The following SNX24 variants were observed in gnomAD, a reference collection of about 807,000 sequenced individuals.
The protein encoded by SNX24 is sorting nexin-24.
Under a neutral mutation model 28.7 loss-of-function variants are expected in SNX24, and 22 were observed. The ratio of observed to expected loss-of-function variants is 0.77; its 90% confidence interval spans 0.55 to 1.10. SNX24 has a LOEUF of 1.10. SNX24 is among the 50% of genes least tolerant of loss of function. The probability of loss-of-function intolerance (pLI) is 0.00; values close to 1 mark genes in which losing one functional copy is unlikely to be tolerated. For synonymous variants in SNX24, 69 were observed against 71.5 expected (o/e 0.96, Z 0.18); for missense variants, 221 against 201.1 (o/e 1.10, Z -0.60).
At chr5:122,875,830 C>T (rs1756198295) in intron 1 of SNX24, among the ~76,000 whole-genome samples, 1 of 152,194 alleles carries the variant, frequency 6.6e-6, no homozygotes, top group Non-Finnish European at 1.5e-5. Flanking sequence ...GCTCTTAGCG[C>T]CCAGGCTGGA....
Position 122,963,009 on chromosome 5 carries a change from G to C in SNX24, c.249+16850G>C, listed in dbSNP as rs913640437. ...AGCACCTTGGGAGGCCAAGGTGGGC[G>C]GATCACTTGAAGTCAGGAGTTTGAG... On this transcript the variant is annotated intron_variant, in intron 3 of 6. Transcript: ENST00000261369. 3.3e-5 allele frequency among the ~76,000 whole-genome samples: 5 copies of C among 152,054 alleles called. No individual in the cohort carries two copies. In the South Asian group the frequency reaches 1.0e-3, roughly 32 times the overall value.
At chr5:122,853,710 A>G in intron 1 of SNX24, 1 of 408,438 alleles carries the variant, frequency 2.4e-6, no homozygotes, top group Non-Finnish European at 5.0e-6. Context: ...CAGGCCCTGA[A>G]CTCCTGGTCT....
chr5:122,923,411 C>G (rs903818065), intron 1 of SNX24, among the ~76,000 whole-genome samples: 2 of 151,782 alleles, frequency 1.3e-5, no homozygotes, highest in Admixed American at 6.6e-5. Flanking sequence ...GCTGAGTATT[C>G]TGTGATCTTT....
At chr5:122,877,709 G>A (rs757097765) in intron 1 of SNX24, among the ~76,000 whole-genome samples, 32 of 152,084 alleles carry the variant, frequency 2.1e-4, no homozygotes, top group Non-Finnish European at 2.9e-4. Context: ...TCCCCTACCC[G>A]AAGTTGGTTA....
At chr5:122,999,355 A>G (rs564275252) in intron 3 of SNX24, among the ~76,000 whole-genome samples, 1 of 152,250 alleles carries the variant, frequency 6.6e-6, no homozygotes, top group Non-Finnish European at 1.5e-5. Flanking sequence ...AGTTGATTCT[A>G]ATGCCAAAAC....
chr5:122,962,782 T>C lies in SNX24; in HGVS notation c.249+16623T>C, dbSNP rs113823858. Among the ~76,000 whole-genome samples the C allele has an allele frequency of 3.8e-3, 584 of 152,340 alleles. 2 individuals carry two copies. Among genetic ancestry groups the C allele is most frequent in the African/African-American group, 0.013 (548 of 41,578 alleles). ...GTGGCCCCAGAGCTTTGATTGGGCT[T>C]AAAACATAAAACTTTGGGAGTTTTA... is the stretch of plus-strand genomic sequence containing the variant. On this transcript the variant is annotated intron_variant, in intron 3 of 6. Coordinates refer to ENST00000261369, the MANE Select transcript of SNX24 (RefSeq NM_014035.4).
intron 1 of SNX24, among the ~76,000 whole-genome samples, chr5:122,895,210 A>G (rs952852860): frequency 6.6e-6 from 1 of 152,090 alleles, no homozygotes; most frequent in Non-Finnish European, 1.5e-5. Context: ...TTGTATTAAT[A>G]ATAGAAAAGT....
At chr5:122,906,299 G>A (rs1419928063) in intron 1 of SNX24, among the ~76,000 whole-genome samples, 1 of 152,176 alleles carries the variant, frequency 6.6e-6, no homozygotes, top group East Asian at 1.9e-4. Flanking sequence ...CCTCCTGTCT[G>A]TCATTGTACA....
chr5:122,921,069 A>G (rs977765640), intron 1 of SNX24, among the ~76,000 whole-genome samples: 5 of 152,068 alleles, frequency 3.3e-5, no homozygotes, highest in African/African-American at 1.2e-4. Flanking sequence ...TAAAGAATAT[A>G]TATATATACA....
intron 1 of SNX24, among the ~76,000 whole-genome samples, chr5:122,913,563 G>T (rs1342215568): frequency 6.6e-6 from 1 of 152,028 alleles, no homozygotes; most frequent in African/African-American, 2.4e-5. Context: ...CTGCTGGGCG[G>T]AGGGGCTCCT....
Position 122,861,496 on chromosome 5 carries a change from C to T in SNX24, c.60+15803C>T, listed in dbSNP as rs191016740. On this transcript the variant is annotated intron_variant, in intron 1 of 6. Transcript: ENST00000261369. ...TGGTAAGCAGTGAATTTCATGAGTACGGGACCATTGCCTCACTTCATTTGC... is the reference window on the plus strand; with the variant it reads ...TGGTAAGCAGTGAATTTCATGAGTATGGGACCATTGCCTCACTTCATTTGC... Among the ~76,000 whole-genome samples the T allele has an allele frequency of 2.6e-4, 40 of 152,196 alleles. No individual in the cohort carries two copies. In the East Asian group the frequency reaches 7.3e-3, roughly 28 times the overall value.
intron 3 of SNX24, among the ~76,000 whole-genome samples, chr5:122,987,258 T>C (rs1468714987): frequency 6.6e-6 from 1 of 152,132 alleles, no homozygotes; most frequent in African/African-American, 2.4e-5. Flanking sequence ...CGAGTGTGGT[T>C]CCTGGATCAG....
chr5:122,872,465 G>GT (rs1297208168), intron 1 of SNX24, among the ~76,000 whole-genome samples: 1 of 152,062 alleles, frequency 6.6e-6, no homozygotes, highest in Non-Finnish European at 1.5e-5. Flanking sequence ...TCCTGAATTT[G>GT]TAAGTACGGC....
At chr5:122,893,383 C>A (rs1757063958) in intron 1 of SNX24, among the ~76,000 whole-genome samples, 1 of 151,922 alleles carries the variant, frequency 6.6e-6, no homozygotes, top group African/African-American at 2.4e-5. Context: ...GGACTCCTGC[C>A]TCCTTTTATT....
chr5:122,936,913 T>C (rs1051499927), intron 2 of SNX24, 96 bp downstream of exon 2: 1 of 630,340 alleles, frequency 1.6e-6, no homozygotes, highest in Non-Finnish European at 2.7e-6. Context: ...CATTGATATT[T>C]CTTGTGTATG....
chr5:122,921,580 A>G (rs1357253158), intron 1 of SNX24, among the ~76,000 whole-genome samples: 1 of 152,090 alleles, frequency 6.6e-6, no homozygotes, highest in Non-Finnish European at 1.5e-5. Flanking sequence ...CAGGTGATGT[A>G]GGGGATTTAG....
At chr5:122,944,801 T>C (rs1759614045) in intron 2 of SNX24, among the ~76,000 whole-genome samples, 4 of 152,214 alleles carry the variant, frequency 2.6e-5, no homozygotes. Context: ...AAGAATTTTT[T>C]ACTATAGTTT....
intron 1 of SNX24, among the ~76,000 whole-genome samples, chr5:122,907,606 C>T (rs142786322): frequency 2.6e-5 from 4 of 151,920 alleles, no homozygotes; most frequent in African/African-American, 4.8e-5. Context: ...TTATACTTTG[C>T]GGTCATTTAT....
intron 1 of SNX24, among the ~76,000 whole-genome samples, chr5:122,886,990 A>C (rs905359499): frequency 6.6e-6 from 1 of 152,184 alleles, no homozygotes; most frequent in East Asian, 1.9e-4. Flanking sequence ...TATTTTAACA[A>C]ATAATTTATT....
Sources: allele counts gnomAD v4.1 joint callset (sites outside exome capture counted in the v4.1 genomes callset), GRCh38; gene constraint gnomAD v4.1.1; transcripts MANE v1.5; gene names NCBI Gene and HGNC (gene_info 2026-07-23, HGNC 2026-07-21).